FRMPD2: variants seen among roughly 807,000 people sequenced by gnomAD.
FRMPD2 encodes the protein FERM and PDZ domain-containing protein 2.
FRMPD2 carries 96 observed loss-of-function variants against 140.1 expected under a neutral mutation model. The ratio of observed to expected loss-of-function variants is 0.69; its 90% confidence interval spans 0.58 to 0.81. FRMPD2 has a LOEUF of 0.81. Among genes scored for constraint, FRMPD2 ranks in the 40% least tolerant of loss-of-function variants. The probability of loss-of-function intolerance (pLI) is 0.00; values close to 1 mark genes in which losing one functional copy is unlikely to be tolerated. For missense variants in FRMPD2, 1,240 were observed against 1,447.4 expected (o/e 0.86, Z 2.32); for synonymous variants, 449 against 547.6 (o/e 0.82, Z 2.52).
chr10:48,188,303 T>C (rs760719905), intron 16 of FRMPD2, among the ~76,000 whole-genome samples: 64 of 152,186 alleles, frequency 4.2e-4, no homozygotes, highest in Admixed American at 8.5e-4. Flanking sequence ...AGCTTGGCAC[T>C]GTGCAAAGAG....
chr10:48,260,188 T>C (rs1218170678), intron 1 of FRMPD2, among the ~76,000 whole-genome samples: 1 of 152,024 alleles, frequency 6.6e-6, no homozygotes, highest in Non-Finnish European at 1.5e-5. Context: ...TATATATATA[T>C]GTAGATAGAT....
At chr10:48,251,468 G>C (rs547881202) in intron 2 of FRMPD2, 98 bp downstream of exon 2, 1 of 1,448,862 alleles carries the variant, frequency 6.9e-7, no homozygotes, top group Admixed American at 1.8e-5. Context: ...TGCTCTCAGA[G>C]GTTGATTTAA....
At chr10:48,222,283 C>T in intron 12 of FRMPD2, 30 bp downstream of exon 12, 1 of 1,604,508 alleles carries the variant, frequency 6.2e-7, no homozygotes, top group Non-Finnish European at 8.5e-7. Flanking sequence ...CCAGTGACCC[C>T]ACACAAAGGC....
At chr10:48,216,616 T>C (rs570887665) in intron 12 of FRMPD2, among the ~76,000 whole-genome samples, 9 of 152,354 alleles carry the variant, frequency 5.9e-5, no homozygotes, top group Admixed American at 4.6e-4. Flanking sequence ...CAGAGCACTA[T>C]AATGCTGGAG....
intron 3 of FRMPD2, among the ~76,000 whole-genome samples, chr10:48,248,295 C>A (rs1840298557): frequency 6.6e-6 from 1 of 152,184 alleles, no homozygotes; most frequent in Non-Finnish European, 1.5e-5. Context: ...TTACTGGAAA[C>A]TTCTGCTGTT....
intron 25 of FRMPD2, among the ~76,000 whole-genome samples, chr10:48,171,588 G>GA (rs1364461424): frequency 2.6e-5 from 4 of 152,382 alleles, no homozygotes; most frequent in Admixed American, 6.5e-5. Context: ...TCATCAATAT[G>GA]AAAAAATTAT....
At position 48,187,194 on chromosome 10, in the gene FRMPD2, G is replaced by C. The variant is rs114243389; in HGVS notation, c.2264C>G (p.Ala755Gly). 7 of 1,612,188 alleles carry C rather than the reference G, an allele frequency of 4.3e-6. No homozygotes were observed. The East Asian group carries it at 1.1e-4, about 26-fold the overall frequency. ...CCTGGTCGTGGCCTGGCCCATACCT[G>C]CATGCATGCTCTGAACAGGTGGTCC... ...LSGPPVQSMH[A>G]GSKNNRRKSF... Residue 755 changes from alanine (A) to glycine (G), a missense_variant and splice_region_variant, in exon 17 of 29, where the codon GCA becomes GGA. Physicochemically the swap from Ala to Gly is moderately conservative, Grantham distance 60. Coordinates refer to ENST00000374201, the MANE Select transcript of FRMPD2 (RefSeq NM_001018071.4).
intron 4 of FRMPD2, 78 bp downstream of exon 4, chr10:48,244,706 G>C (rs547355823): frequency 3.7e-6 from 4 of 1,073,290 alleles, no homozygotes; most frequent in Admixed American, 1.7e-5. Context: ...CAGTAAATGT[G>C]GTCCCTGCCC....
chr10:48,237,106 A>G (rs1180853680), intron 8 of FRMPD2, among the ~76,000 whole-genome samples: 1 of 150,192 alleles, frequency 6.7e-6, no homozygotes, highest in Non-Finnish European at 1.5e-5. Context: ...CAGGTGAGGA[A>G]GTTGAGGCTC....
chr10:48,240,555 C>A (rs760119966), intron 5 of FRMPD2, 63 bp from the exon 6 acceptor site: 41 of 1,597,940 alleles, frequency 2.6e-5, no homozygotes, highest in Non-Finnish European at 3.2e-5. Context: ...TTTATAGATA[C>A]ATGCAAACTG....
chr10:48,210,139 C>G (rs1363730891), intron 13 of FRMPD2, among the ~76,000 whole-genome samples: 1 of 152,018 alleles, frequency 6.6e-6, no homozygotes, highest in East Asian at 1.9e-4. Context: ...GGGGAGAAAA[C>G]CTTTAACAAA....
At chr10:48,159,049 T>C (rs1227354688) in intron 28 of FRMPD2, 6 of 380,446 alleles carry the variant, frequency 1.6e-5, no homozygotes, top group South Asian at 7.9e-5. Flanking sequence ...ATGAAGGTAT[T>C]ATAATTGTCC....
chr10:48,192,758 G>A lies in FRMPD2; in HGVS notation c.2091C>T (p.Gly697=), dbSNP rs1430822602. The change falls in exon 16 of 29, where the codon GGC becomes GGT. Residue 697 remains glycine, a synonymous_variant. Coordinates refer to ENST00000374201, the MANE Select transcript of FRMPD2 (RefSeq NM_001018071.4). The part of the protein sequence containing the change: ...FVSRLQGAAG[G]LLSTSMDNFN... Reference sequence around the variant, plus strand: ...AGTTATCCATTGATGTACTCAGCAGGCCTCCTGCAGCACCCTGAAGCCTGG... The same window carrying A: ...AGTTATCCATTGATGTACTCAGCAGACCTCCTGCAGCACCCTGAAGCCTGG... 1 of 1,614,054 alleles carries A rather than the reference G, an allele frequency of 6.2e-7. No homozygotes were observed. Among genetic ancestry groups the A allele is most frequent in the Admixed American group, 1.7e-5 (1 of 60,004 alleles).
chr10:48,207,814 G>A (rs1051860733), intron 13 of FRMPD2, among the ~76,000 whole-genome samples: 1 of 152,090 alleles, frequency 6.6e-6, no homozygotes, highest in Non-Finnish European at 1.5e-5. Context: ...CAACCAGAGA[G>A]CATAATGTCC....
intron 22 of FRMPD2, among the ~76,000 whole-genome samples, chr10:48,176,678 A>AG (rs1334940878): frequency 0.011 from 1,649 of 152,238 alleles, 15 homozygotes; most frequent in African/African-American, 0.038. Context: ...ATATTTGTGA[A>AG]TAACCCAAAA....
chr10:48,176,032 C>A (rs2132413676), intron 22 of FRMPD2, 93 bp from the exon 23 acceptor site: 1 of 646,596 alleles, frequency 1.5e-6, no homozygotes, highest in Admixed American at 2.7e-5. Flanking sequence ...ACCTGCCCAC[C>A]ACTCTATCCC....
intron 1 of FRMPD2, among the ~76,000 whole-genome samples, chr10:48,259,440 A>G (rs1588859361): frequency 6.6e-6 from 1 of 152,214 alleles, no homozygotes; most frequent in African/African-American, 2.4e-5. Context: ...TTGGTCTTCA[A>G]TTTATTAAAG....
Position 48,242,591 on chromosome 10 carries a change from C to T in FRMPD2, c.376-239G>A, listed in dbSNP as rs182969861. Among the ~76,000 whole-genome samples the T allele has an allele frequency of 5.3e-5, 8 of 152,374 alleles. No individual in the cohort carries two copies. In the East Asian group the frequency reaches 1.5e-3, roughly 29 times the overall value. On this transcript the variant is annotated intron_variant, in intron 4 of 28. Transcript: ENST00000374201. Reference sequence around the variant, plus strand: ...TTGTCTGCTGCTTTCTAAACCAGAACATCCTTCTGCCCAAGCACATGCTTG... The same window carrying T: ...TTGTCTGCTGCTTTCTAAACCAGAATATCCTTCTGCCCAAGCACATGCTTG...
intron 28 of FRMPD2, chr10:48,158,910 T>C: frequency 6.1e-6 from 2 of 326,840 alleles, no homozygotes; most frequent in Admixed American, 4.2e-5. Context: ...CTACAGAATG[T>C]TTACTGAGAA....
Sources: allele counts gnomAD v4.1 joint callset (sites outside exome capture counted in the v4.1 genomes callset), GRCh38; gene constraint gnomAD v4.1.1; transcripts MANE v1.5; gene names NCBI Gene and HGNC (gene_info 2026-07-23, HGNC 2026-07-21).